The following LDHC variants were observed in gnomAD, a reference collection of about 807,000 sequenced individuals.
The protein encoded by LDHC is lactate dehydrogenase C.
LDHC carries 20 observed loss-of-function variants against 30.2 expected under a neutral mutation model. The ratio of observed to expected loss-of-function variants is 0.66; its 90% CI spans 0.47 to 0.96. The LOEUF is 0.96. LDHC is among the 40% of genes least tolerant of loss of function. The pLI is 0.00. For missense variants in LDHC, 362 were observed against 394.9 expected (o/e 0.92, Z 0.71); for synonymous variants, 139 against 132.7 (o/e 1.05, Z -0.32).
chr11:18,424,963 G>A (rs1848135513), intron 3 of LDHC, among the ~76,000 whole-genome samples: 1 of 152,130 alleles, frequency 6.6e-6, no homozygotes, highest in African/African-American at 2.4e-5. Flanking sequence ...AGCTGAGATC[G>A]TGCCACTGTA....
At chr11:18,429,986 T>G (rs1298246830) in intron 4 of LDHC, 76 bp downstream of exon 4, 1 of 882,834 alleles carries the variant, frequency 1.1e-6, no homozygotes, top group East Asian at 2.5e-5. Context: ...TCAACTTCAT[T>G]GAGTTAACAT....
At chr11:18,449,069 G>A (rs1478509433) in intron 7 of LDHC, among the ~76,000 whole-genome samples, 1 of 148,754 alleles carries the variant, frequency 6.7e-6, no homozygotes, top group African/African-American at 2.6e-5. Context: ...GATGACAGGA[G>A]GTAAAGGGAA....
At chr11:18,443,462 T>TC (rs1848500713) in intron 6 of LDHC, among the ~76,000 whole-genome samples, 6 of 106,476 alleles carry the variant, frequency 5.6e-5, no homozygotes, top group African/African-American at 2.7e-4. Context: ...CTTTCTTTCT[T>TC]TTTTTTTTTT....
intron 7 of LDHC, among the ~76,000 whole-genome samples, chr11:18,446,581 G>C (rs916604975): frequency 6.6e-6 from 1 of 152,230 alleles, no homozygotes; most frequent in African/African-American, 2.4e-5. Flanking sequence ...CATATAAACA[G>C]TGTGAAGCCA....
Position 18,450,995 on chromosome 11 carries a change from C to T in LDHC, c.867C>T (p.Leu289=), listed in dbSNP as rs1848646504. The T allele has an allele frequency of 5.0e-6, 8 of 1,592,864 alleles. No individual in the cohort carries two copies. The highest frequency in any genetic ancestry group is 6.0e-6 in the Non-Finnish European group (7 of 1,173,308). The change falls in exon 8 of 8, where the codon CTC becomes CTT. Residue 289 remains leucine, a synonymous_variant. Transcript: ENST00000541669. ...GLYGIKEELF[L]SIPCVLGRNG... is the part of the protein sequence containing the mutation. ...ATGGAATAAAAGAAGAACTCTTTCT[C>T]AGTATCCCTTGTGTCTTGGGGCGGA...
chr11:18,451,181 T>G lies in LDHC; in HGVS notation c.*54T>G, dbSNP rs1206501781. ...GGAGAACAGAAGATAGCAGGCTGTG[T>G]ATTTTAAATTTTGAAAGTATTTTCA... On this transcript the variant is annotated 3_prime_UTR_variant, in exon 8 of 8. Transcript: ENST00000541669. The G allele has an allele frequency of 1.5e-5, 17 of 1,170,504 alleles. No homozygotes were observed. The highest frequency in any genetic ancestry group is 3.2e-5 in the African/African-American group (2 of 62,006). 72.5% of individuals were successfully genotyped at this position (1,170,504 alleles called of 1,614,324 possible). A position where few individuals can be genotyped will look rare whatever the true frequency, so the allele number is the denominator to read the frequency against.
chr11:18,443,699 A>G (rs1475366649), intron 6 of LDHC, among the ~76,000 whole-genome samples: 6 of 152,092 alleles, frequency 3.9e-5, no homozygotes, highest in Non-Finnish European at 8.8e-5. Context: ...AGCTAAAGCA[A>G]TCTGCCCACC....
intron 3 of LDHC, among the ~76,000 whole-genome samples, chr11:18,424,238 C>T (rs1234430401): frequency 3.3e-5 from 5 of 151,854 alleles, no homozygotes; most frequent in Admixed American, 6.6e-5. Flanking sequence ...AAAAATTAGC[C>T]GGGCATGGTG....
intron 3 of LDHC, among the ~76,000 whole-genome samples, chr11:18,427,004 G>C (rs1295424866): frequency 6.6e-6 from 1 of 152,150 alleles, no homozygotes; most frequent in African/African-American, 2.4e-5. Flanking sequence ...AATACACCCT[G>C]TTGAGTACTT....
rs373209352 is a variant in LDHC at position 18,451,935 on chromosome 11, A to AAAG, written c.*820_*822dup. 9 of 151,366 alleles carry AAAG rather than the reference A, an allele frequency of 5.9e-5. No homozygotes were observed. The highest frequency in any genetic ancestry group is 1.0e-4 in the Non-Finnish European group (7 of 68,008). 9.4% of individuals were successfully genotyped at this position (151,366 alleles called of 1,614,324 possible). ...GGCCACAGAGGAAGACTCAGACTCA[A>AAAG]AAGAAGAAGAAGAACACAGAAGAAA... On this transcript the variant is annotated 3_prime_UTR_variant, in exon 8 of 8. Transcript: ENST00000541669.
At chr11:18,418,272 C>T (rs1867058456) in intron 3 of LDHC, among the ~76,000 whole-genome samples, 1 of 145,390 alleles carries the variant, frequency 6.9e-6, no homozygotes, top group Non-Finnish European at 1.5e-5. Flanking sequence ...ATGACTAATT[C>T]TTGATATGTA....
At chr11:18,443,346 G>A (rs1848498043) in intron 6 of LDHC, among the ~76,000 whole-genome samples, 2 of 152,080 alleles carry the variant, frequency 1.3e-5, no homozygotes, top group African/African-American at 4.8e-5. Context: ...CGGTTTCCAA[G>A]TGTTATGGAG....
Position 18,446,251 on chromosome 11 carries a change from C to A in LDHC, c.752C>A (p.Ala251Asp). 6.3e-7 allele frequency: 1 copy of A among 1,599,154 alleles called. No individual in the cohort carries two copies. The highest frequency in any genetic ancestry group is 1.1e-5 in the South Asian group (1 of 90,760). ...IIKLKGYTSW[A>D]IGLSVMDLVG... ...AAGCTGAAGGGGTATACCTCTTGGG[C>A]TATTGGACTGTCTGTGATGGATTTG... Residue 251 changes from alanine to aspartate, a missense_variant, in exon 7 of 8, where the codon GCT becomes GAT. Physicochemically the swap from Ala to Asp is moderately radical, Grantham distance 126. Coordinates refer to ENST00000541669, the MANE Select transcript of LDHC (RefSeq NM_017448.5).
chr11:18,418,928 C>T (rs1867071671), intron 3 of LDHC, among the ~76,000 whole-genome samples: 1 of 152,032 alleles, frequency 6.6e-6, no homozygotes, highest in African/African-American at 2.4e-5. Context: ...GTGAGAAAAC[C>T]AGAGAGTTAA....
intron 5 of LDHC, among the ~76,000 whole-genome samples, chr11:18,435,197 CTTTA>C (rs1848335533): frequency 6.6e-6 from 1 of 151,978 alleles, no homozygotes; most frequent in Non-Finnish European, 1.5e-5. Flanking sequence ...TTTAAAACAG[CTTTA>C]TTAAGACATA....
At chr11:18,440,752 G>T (rs1401695220) in intron 6 of LDHC, among the ~76,000 whole-genome samples, 1 of 150,934 alleles carries the variant, frequency 6.6e-6, no homozygotes, top group Non-Finnish European at 1.5e-5. Flanking sequence ...AACAGAGTGA[G>T]ATCATGTCTC....
chr11:18,433,160 C>G (rs562173039), intron 4 of LDHC, among the ~76,000 whole-genome samples: 136 of 152,032 alleles, frequency 8.9e-4, no homozygotes, highest in African/African-American at 3.1e-3. Context: ...CCAAGGTGGG[C>G]GGATCACCTG....
At chr11:18,442,338 G>A (rs1474449895) in intron 6 of LDHC, among the ~76,000 whole-genome samples, 6 of 152,022 alleles carry the variant, frequency 3.9e-5, no homozygotes, top group African/African-American at 7.2e-5. Context: ...TGGCTTTTTC[G>A]AAAGGGCTCA....
In LDHC at chr11:18,446,251, C is replaced by T; in HGVS notation, c.752C>T (p.Ala251Val). ...IIKLKGYTSW[A>V]IGLSVMDLVG... ...AAGCTGAAGGGGTATACCTCTTGGG[C>T]TATTGGACTGTCTGTGATGGATTTG... The change falls in exon 7 of 8, where the codon GCT becomes GTT. Residue 251 changes from alanine to valine, a missense_variant. Physicochemically the swap from Ala to Val is moderately conservative, Grantham distance 64 (BLOSUM62 0). Transcript: ENST00000541669. The T allele has an allele frequency of 6.3e-7, 1 of 1,599,158 alleles. No individual in the cohort carries two copies.
Sources: gnomAD v4.1 joint callset for allele counts (sites outside exome capture counted in the v4.1 genomes callset) on GRCh38, gnomAD v4.1.1 for gene constraint, MANE v1.5 for transcripts, NCBI Gene and HGNC (gene_info 2026-07-23, HGNC 2026-07-21) for gene names.